PCNX4: variants seen among roughly 807,000 people sequenced by gnomAD.
PCNX4 encodes pecanex-like protein 4.
In PCNX4, 103 loss-of-function variants were observed where a neutral mutation model predicts 107.2. The ratio of observed to expected loss-of-function variants is 0.96; its 90% CI spans 0.82 to 1.13. PCNX4 has a LOEUF of 1.13. Ranked by LOEUF, PCNX4 falls within the 50% of genes most tolerant of loss-of-function variation. PCNX4 has a pLI of 0.00. For missense variants in PCNX4, 1,528 were observed against 1,379.4 expected (o/e 1.11, Z -1.71); for synonymous variants, 541 against 481.7 (o/e 1.12, Z -1.61).
intron 8 of PCNX4, 69 bp from the exon 9 acceptor site, chr14:60,124,149 A>T: frequency 8.0e-7 from 1 of 1,245,804 alleles, no homozygotes; most frequent in Non-Finnish European, 1.1e-6. Flanking sequence ...ATGGGCATTT[A>T]CATGACTAGT....
intron 2 of PCNX4, among the ~76,000 whole-genome samples, chr14:60,113,096 G>T (rs1895770602): frequency 6.6e-6 from 1 of 152,110 alleles, no homozygotes; most frequent in African/African-American, 2.4e-5. Flanking sequence ...CAGGAGAATC[G>T]CTTGAACCCG....
Position 60,134,372 on chromosome 14 carries a change from C to A in PCNX4, c.*151C>A. 1 of 942,638 alleles carries A rather than the reference C, an allele frequency of 1.1e-6. No individual in the cohort carries two copies. Among genetic ancestry groups the A allele is most frequent in the Non-Finnish European group, 1.6e-6 (1 of 634,074 alleles). 58.4% of individuals were successfully genotyped at this position (942,638 alleles called of 1,614,324 possible). On this transcript the variant is annotated 3_prime_UTR_variant, in exon 11 of 11. Transcript: ENST00000406854. Reference sequence around the variant, plus strand: ...GCTCCGTAAAGTTGGTTCTCTTAGCCATCTTAATGGTTCTAAAAAACAGCA... The same window carrying A: ...GCTCCGTAAAGTTGGTTCTCTTAGCAATCTTAATGGTTCTAAAAAACAGCA...
chr14:60,096,122 A>G (rs1895419418), intron 1 of PCNX4, among the ~76,000 whole-genome samples: 1 of 146,144 alleles, frequency 6.8e-6, no homozygotes, highest in African/African-American at 2.5e-5. Context: ...CTGATTGATT[A>G]ACGAAGGTTT....
At chr14:60,104,673 A>G (rs1895597661) in intron 1 of PCNX4, among the ~76,000 whole-genome samples, 1 of 152,216 alleles carries the variant, frequency 6.6e-6, no homozygotes, top group African/African-American at 2.4e-5. Context: ...CAGACGAGAG[A>G]AAATCAGAAC....
intron 2 of PCNX4, among the ~76,000 whole-genome samples, chr14:60,112,830 A>C (rs1315881210): frequency 3.9e-5 from 6 of 152,250 alleles, no homozygotes; most frequent in Non-Finnish European, 8.8e-5. Context: ...TTATTTTAAC[A>C]AAGTATTGTC....
At chr14:60,107,515 T>C (rs1566931424) in intron 1 of PCNX4, 71 bp from the exon 2 acceptor site, 2 of 789,216 alleles carry the variant, frequency 2.5e-6, no homozygotes, top group Non-Finnish European at 3.9e-6. Flanking sequence ...GAAATAGTAA[T>C]GTGAGGTTTT....
At chr14:60,125,500 A>G (rs901166600) in intron 9 of PCNX4, 137 bp from the exon 10 acceptor site, 32 of 781,770 alleles carry the variant, frequency 4.1e-5, no homozygotes, top group Non-Finnish European at 5.7e-5. Context: ...TAACTGCATC[A>G]TTTCTTCCTC....
chr14:60,108,524 A>G (rs1056664368), intron 2 of PCNX4, 197 bp downstream of exon 2: 47 of 401,372 alleles, frequency 1.2e-4, no homozygotes, highest in African/African-American at 8.1e-4. Flanking sequence ...AAAACTTATT[A>G]AAGAGTTTTT....
Position 60,139,776 on chromosome 14 carries a change from T to A in PCNX4, c.*5555T>A, listed in dbSNP as rs1380796386. On this transcript the variant is annotated 3_prime_UTR_variant, in exon 11 of 11. Coordinates refer to ENST00000406854, the MANE Select transcript of PCNX4 (RefSeq NM_001330177.2). Reference sequence around the variant, plus strand: ...AATAATAATTTCAAAAATAGAAAAATTCTATTAAGTTCATAAATTAAGAAA... The same window carrying A: ...AATAATAATTTCAAAAATAGAAAAAATCTATTAAGTTCATAAATTAAGAAA... The A allele has an allele frequency of 2.6e-5, 4 of 151,946 alleles. No homozygotes were observed. Among genetic ancestry groups the A allele is most frequent in the Non-Finnish European group, 5.9e-5 (4 of 67,924 alleles). The allele number at this position is 151,946 out of a possible 1,614,324, so 9.4% of individuals were successfully genotyped here.
intron 2 of PCNX4, chr14:60,110,410 C>T (rs548576188): frequency 2.4e-5 from 4 of 167,386 alleles, no homozygotes; most frequent in Non-Finnish European, 5.9e-5. Flanking sequence ...GAAGCAGGAC[C>T]CTCACCTAGA....
rs367873216 is a variant in PCNX4, at chr14:60,121,252, A to G, written c.1999A>G (p.Ile667Val). Reference protein sequence around the residue: ...LGRFQDRLMWIMILECGYTYC... With the variant: ...LGRFQDRLMWVMILECGYTYC... Reference sequence around the variant, plus strand: ...CCGTTTTCAGGATCGTTTAATGTGGATAATGATTCTGGAATGTGGCTATAC... The same window carrying G: ...CCGTTTTCAGGATCGTTTAATGTGGGTAATGATTCTGGAATGTGGCTATAC... Residue 667 changes from isoleucine to valine, a missense_variant, in exon 8 of 11, where the codon ATA becomes GTA. By Grantham distance (29) the Ile-to-Val change is conservative. Transcript: ENST00000406854. 1 of 1,598,028 alleles carries G rather than the reference A, an allele frequency of 6.3e-7. No individual in the cohort carries two copies. Among genetic ancestry groups the G allele is most frequent in the Admixed American group, 1.7e-5 (1 of 58,590 alleles).
chr14:60,096,333 C>T (rs181036757), intron 1 of PCNX4, among the ~76,000 whole-genome samples: 2 of 152,320 alleles, frequency 1.3e-5, no homozygotes, highest in East Asian at 1.9e-4. Context: ...CAAGGAAATA[C>T]TCATGCAGCT....
intron 2 of PCNX4, among the ~76,000 whole-genome samples, chr14:60,114,124 T>G (rs139640033): frequency 7.2e-5 from 11 of 152,298 alleles, no homozygotes; most frequent in African/African-American, 2.4e-4. Context: ...ATTTCTGATA[T>G]TAACCGTTCT....
In PCNX4 at chr14:60,134,328, G is replaced by GATGC; in HGVS notation, c.*108_*111dup. The GATGC allele has an allele frequency of 7.3e-7, 1 of 1,363,450 alleles. No individual in the cohort carries two copies. The highest frequency in any genetic ancestry group is 2.3e-5 in the East Asian group (1 of 43,584). 84.5% of individuals were successfully genotyped at this position (1,363,450 alleles called of 1,614,324 possible). A position where few individuals can be genotyped will look rare whatever the true frequency, so the allele number is the denominator to read the frequency against. Reference sequence around the variant, plus strand: ...GAGGACTTCTCCACACCCCCATTCAGATGCCTGAGAACAGCTAAGCTCCGT... The same window carrying GATGC: ...GAGGACTTCTCCACACCCCCATTCAGATGCATGCCTGAGAACAGCTAAGCTCCGT... On this transcript the variant is annotated 3_prime_UTR_variant, in exon 11 of 11. Transcript: ENST00000406854.
Position 60,108,262 on chromosome 14 carries a change from T to G in PCNX4, c.624T>G (p.Tyr208Ter), listed in dbSNP as rs373614260. Residue 208 changes from tyrosine to a stop codon, truncating the protein, a stop_gained, in exon 2 of 11, where the codon TAT (tyrosine) becomes TAG (stop). Coordinates refer to ENST00000406854, the MANE Select transcript of PCNX4 (RefSeq NM_001330177.2). LOFTEE classifies it high-confidence loss of function. ...CGACTTTCCAAACACAGGATACTTA[T>G]GAAATTATTCCTCTTATGAGACCTC... ...ETATFQTQDT[Y>*]EIIPLMRPLY... The G allele has an allele frequency of 8.7e-6, 14 of 1,612,610 alleles. No homozygotes were observed. Among genetic ancestry groups the G allele is most frequent in the Non-Finnish European group, 1.2e-5 (14 of 1,179,782 alleles).
At chr14:60,120,922 G>T (rs1379471607) in intron 7 of PCNX4, among the ~76,000 whole-genome samples, 1 of 151,948 alleles carries the variant, frequency 6.6e-6, no homozygotes, top group Non-Finnish European at 1.5e-5. Flanking sequence ...ATTTAAGATT[G>T]TATACAACAA....
intron 2 of PCNX4, among the ~76,000 whole-genome samples, chr14:60,113,354 T>G (rs1216115038): frequency 6.6e-6 from 1 of 152,130 alleles, no homozygotes; most frequent in Non-Finnish European, 1.5e-5. Context: ...TTTCAGAAAT[T>G]GTCTTATTAT....
Position 60,125,808 on chromosome 14 carries a change from G to A in PCNX4, c.3252G>A (p.Gly1084=), listed in dbSNP as rs768502069. The A allele has an allele frequency of 2.5e-6, 4 of 1,606,296 alleles. No individual in the cohort carries two copies. The South Asian group carries it at 3.4e-5, about 13-fold the overall frequency. Residue 1084 remains glycine, a synonymous_variant, in exon 10 of 11, where the codon GGG becomes GGA. Transcript: ENST00000406854. ...AAAAGCCATACTTGTTTTCTCTGGG[G>A]TATGATTCTAATATGGTAAGGTTAA... ...LQEKPYLFSL[G]YDSNMGIYTG...
intron 10 of PCNX4, among the ~76,000 whole-genome samples, chr14:60,127,567 A>G (rs559316706): frequency 2.6e-5 from 4 of 152,340 alleles, no homozygotes; most frequent in East Asian, 3.9e-4. Flanking sequence ...TAGGGAGCAG[A>G]CAGATACTGA....
Sources: allele counts gnomAD v4.1 joint callset (sites outside exome capture counted in the v4.1 genomes callset), GRCh38; gene constraint gnomAD v4.1.1; transcripts MANE v1.5; gene names NCBI Gene and HGNC (gene_info 2026-07-23, HGNC 2026-07-21).